The following EPHA3 variants were observed in gnomAD, a reference collection of about 807,000 sequenced individuals.
EPHA3 encodes EPH receptor A3.
A neutral mutation model predicts 107.1 loss-of-function variants in EPHA3; 42 were observed. The observed-to-expected ratio is 0.39, with a 90% CI of 0.31 to 0.51. The LOEUF (loss-of-function observed/expected upper bound fraction) is 0.51. EPHA3 is among the 20% of genes least tolerant of loss of function. The pLI is 0.78. For synonymous variants in EPHA3, 461 were observed against 424.8 expected (o/e 1.09, Z -1.05); for missense variants, 1,183 against 1,211.2 (o/e 0.98, Z 0.35).
chr3:89,356,615 G>A (rs954964493), intron 5 of EPHA3, among the ~76,000 whole-genome samples: 2 of 151,224 alleles, frequency 1.3e-5, no homozygotes, highest in Non-Finnish European at 1.5e-5. Flanking sequence ...TCTATAATGC[G>A]TGACAATCCT....
intron 3 of EPHA3, among the ~76,000 whole-genome samples, chr3:89,297,392 G>A (rs1236546376): frequency 1.3e-5 from 2 of 152,096 alleles, no homozygotes; most frequent in Non-Finnish European, 2.9e-5. Flanking sequence ...GTGTCTCAGG[G>A]GATAGGGAGG....
Position 89,337,953 on chromosome 3 carries a change from A to T in EPHA3, c.815-2963A>T, listed in dbSNP as rs947439975. On this transcript the variant is annotated intron_variant, in intron 3 of 16. Transcript: ENST00000336596. ...TGCTGAATTTCTTGGCCTTTCACTC[A>T]TGATCACATGTAAGCTGCTGCAATT... Among the ~76,000 whole-genome samples, 13 of 152,308 alleles carry T rather than the reference A, an allele frequency of 8.5e-5. No homozygotes were observed. In the South Asian group the frequency reaches 2.5e-3, roughly 29 times the overall value.
intron 2 of EPHA3, among the ~76,000 whole-genome samples, chr3:89,191,051 C>T (rs1185491138): frequency 6.6e-6 from 1 of 151,964 alleles, no homozygotes; most frequent in African/African-American, 2.4e-5. Context: ...TCATTTTATT[C>T]TTTTTATTGG....
intron 3 of EPHA3, among the ~76,000 whole-genome samples, chr3:89,255,669 G>A (rs1240727371): frequency 6.6e-6 from 1 of 152,080 alleles, no homozygotes; most frequent in Non-Finnish European, 1.5e-5. Flanking sequence ...GGGAGGCCAA[G>A]GCAGGTGGAT....
At chr3:89,160,486 T>C (rs1032056840) in intron 2 of EPHA3, among the ~76,000 whole-genome samples, 5 of 151,872 alleles carry the variant, frequency 3.3e-5, no homozygotes, top group Admixed American at 3.3e-4. Flanking sequence ...TAATTATAAA[T>C]AACTGTTCAT....
Position 89,210,129 on chromosome 3 carries a change from A to T in EPHA3, c.423A>T (p.Thr141=), listed in dbSNP as rs563419612. The T allele has an allele frequency of 3.7e-6, 6 of 1,614,026 alleles. No individual in the cohort carries two copies. In the South Asian group the frequency reaches 6.6e-5, roughly 18 times the overall value. Reference sequence around the variant, plus strand: ...TGAAATTTCGAGAGCATCAGTTTACAAAGATTGACACCATTGCAGCTGATG... The same window carrying T: ...TGAAATTTCGAGAGCATCAGTTTACTAAGATTGACACCATTGCAGCTGATG... The part of the protein sequence containing the change: ...HGVKFREHQF[T]KIDTIAADES... The change falls in exon 3 of 17, where the codon ACA becomes ACT. Residue 141 remains threonine, a synonymous_variant. Transcript: ENST00000336596.
chr3:89,134,269 C>G (rs1205881063), intron 2 of EPHA3, among the ~76,000 whole-genome samples: 2 of 151,460 alleles, frequency 1.3e-5, no homozygotes, highest in East Asian at 1.9e-4. Context: ...GCACAACGTG[C>G]AGGTTTGTTA....
At chr3:89,283,291 T>C (rs1705992657) in intron 3 of EPHA3, among the ~76,000 whole-genome samples, 1 of 152,128 alleles carries the variant, frequency 6.6e-6, no homozygotes, top group East Asian at 1.9e-4. Flanking sequence ...TCTAAGTAGG[T>C]AGCTTCCTGA....
chr3:89,273,772 T>C (rs941296009), intron 3 of EPHA3, among the ~76,000 whole-genome samples: 1 of 151,942 alleles, frequency 6.6e-6, no homozygotes, highest in Non-Finnish European at 1.5e-5. Flanking sequence ...AGTTGATTCA[T>C]TAACATTAAA....
intron 1 of EPHA3, among the ~76,000 whole-genome samples, chr3:89,114,486 C>T (rs976735988): frequency 6.6e-6 from 1 of 152,144 alleles, no homozygotes; most frequent in African/African-American, 2.4e-5. Flanking sequence ...AAAACATCTC[C>T]GGGTGCGCGT....
chr3:89,323,956 A>AT (rs371319134), intron 3 of EPHA3, among the ~76,000 whole-genome samples: 53 of 150,048 alleles, frequency 3.5e-4, no homozygotes, highest in East Asian at 2.9e-3. Flanking sequence ...ATTGGAATCC[A>AT]TTTTTTTTTG....
chr3:89,343,053 A>G (rs140176303), intron 5 of EPHA3, among the ~76,000 whole-genome samples: 3 of 152,280 alleles, frequency 2.0e-5, no homozygotes, highest in Non-Finnish European at 4.4e-5. Flanking sequence ...TTTGGCTTAC[A>G]TTATGGACAT....
intron 15 of EPHA3, among the ~76,000 whole-genome samples, chr3:89,460,836 T>A (rs1368951529): frequency 1.5e-5 from 2 of 137,406 alleles, no homozygotes; most frequent in African/African-American, 5.5e-5. Context: ...TTTTTTTTTT[T>A]TTATTATACT....
At chr3:89,383,804 A>C (rs1414985784) in intron 5 of EPHA3, among the ~76,000 whole-genome samples, 1 of 151,438 alleles carries the variant, frequency 6.6e-6, no homozygotes, top group Admixed American at 6.6e-5. Flanking sequence ...GCCCGCCACC[A>C]CGCCCGGCTA....
chr3:89,356,404 G>C (rs551417561), intron 5 of EPHA3, among the ~76,000 whole-genome samples: 2 of 151,058 alleles, frequency 1.3e-5, no homozygotes, highest in South Asian at 4.2e-4. Context: ...CTGAAGAATC[G>C]CCACACTGAC....
At chr3:89,274,265 T>C (rs1705750826) in intron 3 of EPHA3, among the ~76,000 whole-genome samples, 1 of 151,996 alleles carries the variant, frequency 6.6e-6, no homozygotes, top group South Asian at 2.1e-4. Flanking sequence ...TTGTATGCTG[T>C]GCTTTAAATT....
chr3:89,467,554 A>G (rs538218356), intron 15 of EPHA3, among the ~76,000 whole-genome samples: 5 of 152,268 alleles, frequency 3.3e-5, no homozygotes, highest in Admixed American at 2.0e-4. Context: ...GTAGCATTGA[A>G]ATAAGATTAT....
intron 13 of EPHA3, among the ~76,000 whole-genome samples, chr3:89,435,993 A>T (rs1472771689): frequency 1.3e-5 from 2 of 151,374 alleles, no homozygotes; most frequent in East Asian, 3.9e-4. Flanking sequence ...ATAAAAACAT[A>T]TATTAGGCAT....
chr3:89,203,702 G>A (rs1466675425), intron 2 of EPHA3, among the ~76,000 whole-genome samples: 1 of 152,016 alleles, frequency 6.6e-6, no homozygotes, highest in Admixed American at 6.6e-5. Flanking sequence ...GCGTGAACCT[G>A]GGAGGCGCAG....
Sources: gnomAD v4.1 joint callset for allele counts (sites outside exome capture counted in the v4.1 genomes callset) on GRCh38, gnomAD v4.1.1 for gene constraint, MANE v1.5 for transcripts, NCBI Gene and HGNC (gene_info 2026-07-23, HGNC 2026-07-21) for gene names.